CRAMP1: variants seen among roughly 807,000 people sequenced by gnomAD.
The protein encoded by CRAMP1 is protein cramped-like.
In CRAMP1, 50 loss-of-function variants were observed where a neutral mutation model predicts 115.4. The ratio of observed to expected loss-of-function variants is 0.43; its 90% CI spans 0.35 to 0.55. CRAMP1 has a LOEUF of 0.55. Among genes scored for constraint, CRAMP1 ranks in the 20% least tolerant of loss-of-function variants. The probability of loss-of-function intolerance (pLI) is 0.01; values close to 1 mark genes in which losing one functional copy is unlikely to be tolerated. For synonymous variants in CRAMP1, 866 were observed against 745.4 expected, an observed-to-expected ratio of 1.16 and a Z score of -2.64; for missense variants, 1,679 against 1,721.7, an observed-to-expected ratio of 0.98 and a Z score of 0.44.
chr16:1,648,409 G>C (rs2036694669), intron 6 of CRAMP1, among the ~76,000 whole-genome samples: 1 of 151,644 alleles, frequency 6.6e-6, no homozygotes, highest in South Asian at 2.1e-4. Flanking sequence ...AGGAGTTCCA[G>C]CCTGGCCAAC....
chr16:1,656,591 C>T lies in CRAMP1; in HGVS notation c.1834C>T (p.Pro612Ser), dbSNP rs527950415. The T allele has an allele frequency of 7.0e-5, 110 of 1,566,538 alleles. 1 individual carries two copies. In the South Asian group the frequency reaches 1.2e-3, roughly 17 times the overall value. ...CAGCAAGGAGGCTGCTGACCTTGCT[C>T]CCACTGGCCCATCCCCGAGGCCCGG... ...PVSKEAADLAPTGPSPRPGPG... is the reference protein window; with the variant it reads ...PVSKEAADLASTGPSPRPGPG... The change falls in exon 10 of 21, where the codon CCC becomes TCC. Residue 612 changes from proline (P) to serine (S), a missense_variant. Physicochemically the swap from Pro to Ser is moderately conservative, Grantham distance 74 (BLOSUM62 -1). Transcript: ENST00000397412. This position sits in a 1 kb window ranked among gnomAD's most constrained non-coding sequence, Gnocchi z 5.6.
intron 4 of CRAMP1, among the ~76,000 whole-genome samples, chr16:1,636,137 G>C (rs1033179637): frequency 6.6e-6 from 1 of 152,196 alleles, no homozygotes; most frequent in South Asian, 2.1e-4. Context: ...TTGGGAGGCC[G>C]AGGTGGGCGG....
chr16:1,617,112 C>G (rs886599611), intron 2 of CRAMP1, among the ~76,000 whole-genome samples: 1 of 152,178 alleles, frequency 6.6e-6, no homozygotes, highest in Middle Eastern at 3.2e-3. Context: ...GCATGAGCCA[C>G]CGCTCCTGGC....
At chr16:1,643,216 GT>G (rs1378726163) in intron 6 of CRAMP1, among the ~76,000 whole-genome samples, 2 of 152,182 alleles carry the variant, frequency 1.3e-5, no homozygotes, top group African/African-American at 2.4e-5. Context: ...GCTGGCTAAA[GT>G]GTGCAGAGGG....
At chr16:1,653,177 C>T in intron 8 of CRAMP1, 21 bp downstream of exon 8, 1 of 1,601,338 alleles carries the variant, frequency 6.2e-7, no homozygotes, top group Non-Finnish European at 8.5e-7. Context: ...CCTTGGCACG[C>T]AGAGGGGTCC....
chr16:1,663,416 C>T (rs899278941), intron 13 of CRAMP1, among the ~76,000 whole-genome samples: 23 of 152,116 alleles, frequency 1.5e-4, no homozygotes, highest in African/African-American at 5.3e-4. Context: ...TCTCTTTCTC[C>T]CTTGAGATTA....
At position 1,633,800 on chromosome 16, in the gene CRAMP1, G is replaced by A. The variant is rs1233560302; in HGVS notation, c.694+1435G>A. 2.0e-5 allele frequency among the ~76,000 whole-genome samples: 3 copies of A among 152,114 alleles called. No individual in the cohort carries two copies. In the East Asian group the frequency reaches 5.8e-4, roughly 29 times the overall value. On this transcript the variant is annotated intron_variant, in intron 4 of 20. Transcript: ENST00000397412. ...TTGAAAGACAGTCCAGGCTGCGCGC[G>A]GTGGCTCATGCCTGTAATCAGCACT...
At chr16:1,626,251 T>C in intron 3 of CRAMP1, 85 bp downstream of exon 3, 3 of 1,286,720 alleles carry the variant, frequency 2.3e-6, no homozygotes, top group Non-Finnish European at 3.1e-6. Context: ...TCCTCTTTGC[T>C]GTTAGATTCT....
chr16:1,615,038 C>G (rs2036406007), intron 2 of CRAMP1, 53 bp downstream of exon 2: 1 of 1,090,414 alleles, frequency 9.2e-7, no homozygotes, highest in Non-Finnish European at 1.2e-6. Flanking sequence ...GGGTGTGCCG[C>G]GGGGGAGAGG....
intron 6 of CRAMP1, among the ~76,000 whole-genome samples, chr16:1,643,399 G>A (rs1362386413): frequency 2.0e-5 from 3 of 152,176 alleles, no homozygotes; most frequent in Non-Finnish European, 4.4e-5. Flanking sequence ...AAATTAGCTG[G>A]GTGTGGTGGT....
At chr16:1,664,957 A>G in intron 13 of CRAMP1, 100 bp from the exon 14 acceptor site, 2 of 824,188 alleles carry the variant, frequency 2.4e-6, no homozygotes, top group East Asian at 2.5e-5. Flanking sequence ...CCACCTGGCT[A>G]TGCTGGGCAC....
intron 6 of CRAMP1, among the ~76,000 whole-genome samples, chr16:1,648,661 C>A (rs1289100443): frequency 6.6e-6 from 1 of 151,858 alleles, no homozygotes; most frequent in African/African-American, 2.4e-5. Context: ...ACCAATGTTT[C>A]CCCTGGTTCC....
chr16:1,662,242 G>A (rs1313315469), intron 11 of CRAMP1, among the ~76,000 whole-genome samples: 1 of 152,182 alleles, frequency 6.6e-6, no homozygotes, highest in East Asian at 1.9e-4. Flanking sequence ...AGCACTGAGC[G>A]AAGTGGTGAA....
chr16:1,632,611 G>A (rs932132597), intron 4 of CRAMP1, among the ~76,000 whole-genome samples: 1 of 152,244 alleles, frequency 6.6e-6, no homozygotes, highest in Admixed American at 6.5e-5. Flanking sequence ...TCTGAGCTAT[G>A]GTTTGTGTGT....
At position 1,666,253 on chromosome 16, in the gene CRAMP1, G is replaced by A. The variant is rs1447340454; in HGVS notation, c.2857+76G>A. On this transcript the variant is annotated intron_variant, in intron 15 of 20. Transcript: ENST00000397412. This position sits in a 1 kb window ranked among gnomAD's most constrained non-coding sequence, Gnocchi z 5.0. ...GTTTTTGTGACCAGGTTTTTTGAAT[G>A]TTTTCTTCTCCAAATCATAATGTCT... The A allele has an allele frequency of 8.0e-7, 1 of 1,246,068 alleles. No individual in the cohort carries two copies. Among genetic ancestry groups the A allele is most frequent in the Non-Finnish European group, 1.1e-6 (1 of 870,078 alleles). The allele number at this position is 1,246,068 out of a possible 1,614,324, so 77.2% of individuals were successfully genotyped here. A position where few individuals can be genotyped will look rare whatever the true frequency, so the allele number is the denominator to read the frequency against.
intron 14 of CRAMP1, 75 bp from the exon 15 acceptor site, chr16:1,665,998 C>T (rs896081881): frequency 2.2e-5 from 21 of 950,738 alleles, no homozygotes; most frequent in Non-Finnish European, 3.0e-5. Context: ...TAAAGGAAGC[C>T]CCCTGCGGCC....
intron 1 of CRAMP1, among the ~76,000 whole-genome samples, chr16:1,613,067 G>C (rs1159186879): frequency 6.6e-6 from 1 of 151,968 alleles, no homozygotes; most frequent in East Asian, 1.9e-4. Flanking sequence ...GGTCCCGGGT[G>C]GCCTGCGGGC....
intron 6 of CRAMP1, among the ~76,000 whole-genome samples, chr16:1,652,005 G>C (rs2036728305): frequency 6.6e-6 from 1 of 151,958 alleles, no homozygotes; most frequent in Non-Finnish European, 1.5e-5. Context: ...AGGTCATGTA[G>C]AGCTGGATTT....
At chr16:1,650,504 A>G (rs2036713538) in intron 6 of CRAMP1, among the ~76,000 whole-genome samples, 1 of 152,232 alleles carries the variant, frequency 6.6e-6, no homozygotes, top group Admixed American at 6.5e-5. Flanking sequence ...CACAGATAAA[A>G]TATAAGACCC....
Sources: allele counts gnomAD v4.1 joint callset (sites outside exome capture counted in the v4.1 genomes callset), GRCh38; gene constraint gnomAD v4.1.1; non-coding constraint Gnocchi (gnomAD v3.1); transcripts MANE v1.5; gene names NCBI Gene and HGNC (gene_info 2026-07-23, HGNC 2026-07-21).